Variants in CEP44 observed in about 807,000 individuals in gnomAD.
CEP44 encodes centrosomal protein 44.
A neutral mutation model predicts 46.7 loss-of-function variants in CEP44; 45 were observed. The ratio of observed to expected loss-of-function variants is 0.96; its 90% CI spans 0.76 to 1.24. CEP44 has a LOEUF of 1.24. CEP44 is among the 50% of genes most tolerant of loss of function. The probability of loss-of-function intolerance (pLI) is 0.00; values close to 1 mark genes in which losing one functional copy is unlikely to be tolerated. For missense variants in CEP44, 475 were observed against 459.7 expected, an observed-to-expected ratio of 1.03 and a Z score of -0.30; for synonymous variants, 142 against 146.0, an observed-to-expected ratio of 0.97 and a Z score of 0.20.
In CEP44 at chr4:174,302,134, A is replaced by G. The variant is rs771855113; in HGVS notation, c.185A>G (p.Asn62Ser). 17 of 1,611,102 alleles carry G rather than the reference A, an allele frequency of 1.1e-5. No individual in the cohort carries two copies. The highest frequency in any genetic ancestry group is 9.0e-5 in the East Asian group (4 of 44,692). Residue 62 changes from asparagine to serine, a missense_variant, in exon 4 of 12, where the codon AAT (asparagine) becomes AGT (serine). Coordinates refer to ENST00000503780, the MANE Select transcript of CEP44 (RefSeq NM_001040157.3). ...PYVTELIMESNVELIAKNDLR... is the reference protein window; with the variant it reads ...PYVTELIMESSVELIAKNDLR... ...GTAACAGAACTTATAATGGAATCCA[A>G]TGTAGAGCTCATAGCAAAAAATGAC...
At chr4:174,305,759 C>G (rs1740317547) in intron 6 of CEP44, among the ~76,000 whole-genome samples, 1 of 152,058 alleles carries the variant, frequency 6.6e-6, no homozygotes, top group Non-Finnish European at 1.5e-5. Flanking sequence ...ATTTTTTGTA[C>G]CTTCATTTTG....
Position 174,319,651 on chromosome 4 carries a change from C to G in CEP44, c.*2268C>G, listed in dbSNP as rs774999527. 4.9e-5 allele frequency: 33 copies of G among 668,508 alleles called. No homozygotes were observed. Among genetic ancestry groups the G allele is most frequent in the Non-Finnish European group, 6.1e-5 (33 of 540,446 alleles). 41.4% of individuals were successfully genotyped at this position (668,508 alleles called of 1,614,324 possible). A position where few individuals can be genotyped will look rare whatever the true frequency, so the allele number is the denominator to read the frequency against. On this transcript the variant is annotated 3_prime_UTR_variant, in exon 12 of 12. Transcript: ENST00000503780. ...TATATATTGAAAATATAAAATATTT[C>G]ATATATGTTATCAGGTGGAAATTTA...
intron 9 of CEP44, among the ~76,000 whole-genome samples, chr4:174,315,724 C>T: frequency 6.6e-6 from 1 of 151,456 alleles, no homozygotes; most frequent in Non-Finnish European, 1.5e-5. Context: ...GCCTGTAGTC[C>T]CAGCTACTCG....
intron 1 of CEP44, 176 bp downstream of exon 1, chr4:174,284,119 C>T (rs1342486923): frequency 5.0e-6 from 2 of 399,036 alleles, no homozygotes; most frequent in Non-Finnish European, 8.8e-6. Context: ...TTGAAACCGG[C>T]TTCTTTGCTG....
rs577087437 is a variant in CEP44 at position 174,331,446 on chromosome 4, C to G, written c.1087-36C>G. 3.0e-4 allele frequency: 462 copies of G among 1,548,352 alleles called. 4 individuals are homozygous for G. The African/African-American group carries it at 5.8e-3, about 19-fold the overall frequency. ...ACCCATTCTGCCAATGCATTTAGATCATATTTTAATGTATAATTTTGTGTT... is the reference window on the plus strand; with the variant it reads ...ACCCATTCTGCCAATGCATTTAGATGATATTTTAATGTATAATTTTGTGTT... On this transcript the variant is annotated intron_variant, in intron 8 of 8. Transcript: ENST00000426172. The surrounding 1 kb of genome is among the most constrained non-coding windows in gnomAD (Gnocchi z 4.5).
At chr4:174,303,519 C>T (rs1740000832) in intron 4 of CEP44, among the ~76,000 whole-genome samples, 184 bp from the exon 5 acceptor site, 1 of 152,148 alleles carries the variant, frequency 6.6e-6, no homozygotes, top group Non-Finnish European at 1.5e-5. Context: ...CACCTGATAC[C>T]TGTCTTACTG....
chr4:174,308,554 G>T (rs1313875036), intron 6 of CEP44, 135 bp from the exon 7 acceptor site: 4 of 791,572 alleles, frequency 5.1e-6, no homozygotes, highest in Admixed American at 5.8e-5. Context: ...GAAATAATCT[G>T]CACAACAAAC....
chr4:174,303,891 A>G (rs1289415937), intron 5 of CEP44, 42 bp downstream of exon 5: 1 of 1,304,456 alleles, frequency 7.7e-7, no homozygotes, highest in Non-Finnish European at 1.1e-6. Context: ...TATGCTATTA[A>G]TAGATGGCTC....
chr4:174,315,552 TA>T (rs1741575624), intron 9 of CEP44, among the ~76,000 whole-genome samples: 1 of 152,078 alleles, frequency 6.6e-6, no homozygotes, highest in Non-Finnish European at 1.5e-5. Flanking sequence ...AGAACAGTAG[TA>T]AAAAAATTTG....
chr4:174,291,207 C>T (rs1036499117), intron 1 of CEP44, among the ~76,000 whole-genome samples: 1 of 151,488 alleles, frequency 6.6e-6, no homozygotes, highest in Non-Finnish European at 1.5e-5. Context: ...TATTTGCTTT[C>T]TGTTTCTCCT....
rs539566565 is a variant in CEP44, at chr4:174,313,099, T to A, written c.961+2241T>A. ...TAAGAATGAAATTTTTAGCATAAAATAAGTACTCATGTTAGGCAAGGGGGG... is the reference window on the plus strand; with the variant it reads ...TAAGAATGAAATTTTTAGCATAAAAAAAGTACTCATGTTAGGCAAGGGGGG... On this transcript the variant is annotated intron_variant, in intron 9 of 11. Coordinates refer to ENST00000503780, the MANE Select transcript of CEP44 (RefSeq NM_001040157.3). Among the ~76,000 whole-genome samples the A allele has an allele frequency of 2.1e-3, 315 of 152,212 alleles. 2 individuals are homozygous for A. Among genetic ancestry groups the A allele is most frequent in the Admixed American group, 3.3e-3 (51 of 15,286 alleles).
intron 8 of CEP44, among the ~76,000 whole-genome samples, chr4:174,328,227 C>T (rs1182629218): frequency 6.6e-6 from 1 of 152,080 alleles, no homozygotes; most frequent in Non-Finnish European, 1.5e-5. Context: ...AAGGAGAAAA[C>T]ATCTAAGTTG....
At chr4:174,321,519 G>A (rs568856289), downstream of CEP44, among the ~76,000 whole-genome samples, 1 of 152,114 alleles carries the variant, frequency 6.6e-6, no homozygotes, top group Non-Finnish European at 1.5e-5. Context: ...TACTAAGCAT[G>A]CACAATTCAT....
rs1477059341 is a variant in CEP44, at chr4:174,314,676, A to G, written c.962-1490A>G. The stretch of plus-strand genomic sequence containing the variant: ...TTTTGGAAAGATGTCCGAAATGTTC[A>G]GGACAACTATCTGTACCCACAGAAA... On this transcript the variant is annotated intron_variant, in intron 9 of 11. Coordinates refer to ENST00000503780, the MANE Select transcript of CEP44 (RefSeq NM_001040157.3). The surrounding 1 kb of genome is among the most constrained non-coding windows in gnomAD (Gnocchi z 4.1). Among the ~76,000 whole-genome samples, 1 of 152,230 alleles carries G rather than the reference A, an allele frequency of 6.6e-6. No individual in the cohort carries two copies. Among genetic ancestry groups the G allele is most frequent in the Non-Finnish European group, 1.5e-5 (1 of 68,036 alleles).
Position 174,287,277 on chromosome 4 carries a change from G to T in CEP44, c.-148+3334G>T, listed in dbSNP as rs1737675816. ...AGTGCTATTTTGGACCCTTGGCACA[G>T]ATTTTGGTTCTTTATTATGATAAGT... On this transcript the variant is annotated intron_variant, in intron 1 of 11. Transcript: ENST00000503780. The surrounding 1 kb of genome is among the most constrained non-coding windows in gnomAD (Gnocchi z 5.1). 1.3e-5 allele frequency among the ~76,000 whole-genome samples: 2 copies of T among 152,154 alleles called. No homozygotes were observed. Among genetic ancestry groups the T allele is most frequent in the Admixed American group, 1.3e-4 (2 of 15,268 alleles).
At position 174,300,500 on chromosome 4, in the gene CEP44, A is replaced by C. The variant is rs574659096; in HGVS notation, c.89+1290A>C. Reference sequence around the variant, plus strand: ...AGACATTTTAAATAGGAATAATTCTAAAATATACCAGTATTATCTTGTTTT... The same window carrying C: ...AGACATTTTAAATAGGAATAATTCTCAAATATACCAGTATTATCTTGTTTT... On this transcript the variant is annotated intron_variant, in intron 3 of 11. Coordinates refer to ENST00000503780, the MANE Select transcript of CEP44 (RefSeq NM_001040157.3). 4.6e-5 allele frequency among the ~76,000 whole-genome samples: 7 copies of C among 152,288 alleles called. No individual in the cohort carries two copies. The East Asian group carries it at 5.8e-4, about 13-fold the overall frequency.
chr4:174,300,338 CAG>C (rs1011013399), intron 3 of CEP44, among the ~76,000 whole-genome samples: 112 of 152,196 alleles, frequency 7.4e-4, no homozygotes, highest in African/African-American at 2.5e-3. Flanking sequence ...AGATATGAAA[CAG>C]ATGTAATCCA....
chr4:174,288,979 A>G lies in CEP44; in HGVS notation c.-148+5036A>G, dbSNP rs1737861180. ...GAGTTTTTATCACAAAAGAGTATCG[A>G]ATTTTGTCAAGTGCTTTTTCTGCAT... is the stretch of plus-strand genomic sequence containing the variant. On this transcript the variant is annotated intron_variant, in intron 1 of 11. Transcript: ENST00000503780. This position sits in a 1 kb window ranked among gnomAD's most constrained non-coding sequence, Gnocchi z 4.6. Among the ~76,000 whole-genome samples, 1 of 152,162 alleles carries G rather than the reference A, an allele frequency of 6.6e-6. No homozygotes were observed. The highest frequency in any genetic ancestry group is 1.5e-5 in the Non-Finnish European group (1 of 68,014).
chr4:174,331,282 T>C lies in CEP44; in HGVS notation c.1087-200T>C, dbSNP rs1731307033. ...GAACATTTAGCTGTTTATTCTGGTA[T>C]CTAACAACATATTTCTAAATAATAT... On this transcript the variant is annotated intron_variant, in intron 8 of 8. Coordinates refer to the CEP44 transcript ENST00000426172. This position sits in a 1 kb window ranked among gnomAD's most constrained non-coding sequence, Gnocchi z 4.5. 6.6e-6 allele frequency among the ~76,000 whole-genome samples: 1 copy of C among 152,134 alleles called. No homozygotes were observed. Among genetic ancestry groups the C allele is most frequent in the Non-Finnish European group, 1.5e-5 (1 of 68,016 alleles).
Sources: allele counts gnomAD v4.1 joint callset (sites outside exome capture counted in the v4.1 genomes callset), GRCh38; gene constraint gnomAD v4.1.1; non-coding constraint Gnocchi (gnomAD v3.1); transcripts MANE v1.5; gene names NCBI Gene and HGNC (gene_info 2026-07-23, HGNC 2026-07-21).